Variants in SORL1 observed in about 807,000 individuals in gnomAD.
SORL1 encodes the protein sortilin related receptor 1.
SORL1 carries 127 observed loss-of-function variants against 273.7 expected under a neutral mutation model. That is an observed-to-expected ratio of 0.46 (90% CI 0.40 to 0.54). The LOEUF is 0.54. SORL1 is among the 20% of genes least tolerant of loss of function. The pLI is 0.00. For synonymous variants in SORL1, 1,031 were observed against 1,067.4 expected (o/e 0.97, Z 0.66); for missense variants, 2,494 against 2,846.1 (o/e 0.88, Z 2.81).
chr11:121,531,223 G>C (rs1198580928), intron 11 of SORL1, among the ~76,000 whole-genome samples: 1 of 152,088 alleles, frequency 6.6e-6, no homozygotes, highest in East Asian at 1.9e-4. Context: ...GTGAAACCCT[G>C]TCTGTACTAA....
intron 18 of SORL1, among the ~76,000 whole-genome samples, chr11:121,556,424 T>C (rs1489561662): frequency 6.6e-6 from 1 of 152,116 alleles, no homozygotes; most frequent in Non-Finnish European, 1.5e-5. Flanking sequence ...GGATGATCTT[T>C]TGTCCACCTC....
chr11:121,520,530 T>C, intron 8 of SORL1, 127 bp from the exon 9 acceptor site: 1 of 589,314 alleles, frequency 1.7e-6, no homozygotes, highest in Admixed American at 3.7e-5. Flanking sequence ...GTAATGATAG[T>C]TGCACAACAT....
chr11:121,456,341 G>T (rs1275211822), intron 1 of SORL1, among the ~76,000 whole-genome samples: 1 of 152,202 alleles, frequency 6.6e-6, no homozygotes, highest in Non-Finnish European at 1.5e-5. Flanking sequence ...TGAGGGCATG[G>T]ATCAAGTTCT....
At position 121,596,906 on chromosome 11, in the gene SORL1, A is replaced by G. The variant is rs1335157430; in HGVS notation, c.4519+1134A>G. Among the ~76,000 whole-genome samples the G allele has an allele frequency of 6.6e-6, 1 of 152,026 alleles. No homozygotes were observed. Among genetic ancestry groups the G allele is most frequent in the African/African-American group, 2.4e-5 (1 of 41,358 alleles). On this transcript the variant is annotated intron_variant, in intron 32 of 47. Coordinates refer to ENST00000260197, the MANE Select transcript of SORL1 (RefSeq NM_003105.6). The surrounding 1 kb of genome is among the most constrained non-coding windows in gnomAD (Gnocchi z 4.3). ...CTCACTTGGAATCCTACCAAGTCTT[A>G]CCATTTAGAGATGGAATAGAATCTG... is the stretch of plus-strand genomic sequence containing the variant.
rs757393200 is a variant in SORL1 at position 121,576,861 on chromosome 11, C to T, written c.3461-420C>T. ...CGGTGATCAGCTCATGCAGACCTCT[C>T]GGCACTCCTTTTCTCAAACCACAGG... On this transcript the variant is annotated intron_variant, in intron 24 of 47. Coordinates refer to ENST00000260197, the MANE Select transcript of SORL1 (RefSeq NM_003105.6). 9.1e-6 allele frequency: 14 copies of T among 1,535,454 alleles called. No individual in the cohort carries two copies. The South Asian group carries it at 9.5e-5, about 10-fold the overall frequency.
intron 23 of SORL1, among the ~76,000 whole-genome samples, chr11:121,572,914 A>G (rs141427659): frequency 6.6e-6 from 1 of 152,236 alleles, no homozygotes; most frequent in Admixed American, 6.5e-5. Context: ...AGGATGTCTA[A>G]CGGCAGCATT....
At chr11:121,494,236 A>G (rs954397722) in intron 5 of SORL1, among the ~76,000 whole-genome samples, 8 of 152,214 alleles carry the variant, frequency 5.3e-5, no homozygotes, top group African/African-American at 1.9e-4. Flanking sequence ...GGACTGGTTT[A>G]TCTCATTGAA....
chr11:121,541,720 C>G (rs1018959102), intron 12 of SORL1, among the ~76,000 whole-genome samples: 6 of 152,226 alleles, frequency 3.9e-5, no homozygotes, highest in African/African-American at 1.4e-4. Flanking sequence ...TGAGTGATTT[C>G]TCATGTCAAG....
chr11:121,588,309 A>C (rs1360224529), intron 28 of SORL1, among the ~76,000 whole-genome samples, 158 bp downstream of exon 28: 1 of 152,064 alleles, frequency 6.6e-6, no homozygotes, highest in Non-Finnish European at 1.5e-5. Flanking sequence ...TTTAGCTTAC[A>C]TGTCTAGGTT....
intron 32 of SORL1, among the ~76,000 whole-genome samples, chr11:121,603,206 C>T (rs1328816586): frequency 3.9e-5 from 6 of 152,196 alleles, no homozygotes; most frequent in Non-Finnish European, 7.3e-5. Flanking sequence ...AGGATGTGGA[C>T]GTCTTTGACT....
chr11:121,559,745 G>C, intron 21 of SORL1, 88 bp downstream of exon 21: 1 of 1,218,758 alleles, frequency 8.2e-7, no homozygotes, highest in South Asian at 1.4e-5. Flanking sequence ...AGTAGGAGCT[G>C]GCAGCCTGCA....
chr11:121,471,107 A>G (rs781203895), intron 2 of SORL1, among the ~76,000 whole-genome samples: 6 of 152,144 alleles, frequency 3.9e-5, no homozygotes, highest in Non-Finnish European at 8.8e-5. Flanking sequence ...TTCAAGAAAC[A>G]TTCTCCCATA....
intron 8 of SORL1, among the ~76,000 whole-genome samples, chr11:121,520,192 G>A (rs372972802): frequency 6.6e-6 from 1 of 152,234 alleles, no homozygotes; most frequent in Non-Finnish European, 1.5e-5. Context: ...GAGTCTGGGA[G>A]GTTGAGGCTG....
At position 121,615,037 on chromosome 11, in the gene SORL1, G is replaced by T; in HGVS notation, c.5586G>T (p.Trp1862Cys). The T allele has an allele frequency of 4.4e-6, 7 of 1,602,816 alleles. No individual in the cohort carries two copies. The highest frequency in any genetic ancestry group is 6.0e-6 in the Non-Finnish European group (7 of 1,174,908). ...AINQTAVECT[W>C]TGPRNVVYGI... ...ACCAGACTGCAGTGGAATGTACCTG[G>T]ACCGGCCCCCGGAATGTGGTGAGTC... The change falls in exon 41 of 48, where the codon TGG (tryptophan) becomes TGT (cysteine). Residue 1862 changes from tryptophan (W) to cysteine (C), a missense_variant. By Grantham distance (215) the Trp-to-Cys change is radical (BLOSUM62 -2). Transcript: ENST00000260197.
intron 12 of SORL1, among the ~76,000 whole-genome samples, chr11:121,534,809 C>T (rs1181591123): frequency 6.6e-6 from 1 of 152,238 alleles, no homozygotes; most frequent in Non-Finnish European, 1.5e-5. Flanking sequence ...ATATCTGTTG[C>T]TGGGCTAGGG....
chr11:121,606,027 G>A (rs914319541), intron 35 of SORL1, among the ~76,000 whole-genome samples: 6 of 152,132 alleles, frequency 3.9e-5, no homozygotes, highest in African/African-American at 1.2e-4. Flanking sequence ...GGCTCAGGTG[G>A]TCCTCCCGCC....
intron 14 of SORL1, among the ~76,000 whole-genome samples, chr11:121,549,724 A>AT (rs56099942): frequency 0.26 from 37,773 of 143,900 alleles, 5,240 homozygotes; most frequent in Non-Finnish European, 0.32. Flanking sequence ...TGGCATGATG[A>AT]TTTTTTTTTT....
At chr11:121,490,553 A>G (rs1861537317) in intron 5 of SORL1, among the ~76,000 whole-genome samples, 1 of 152,094 alleles carries the variant, frequency 6.6e-6, no homozygotes, top group Non-Finnish European at 1.5e-5. Context: ...CAGCCTGGCC[A>G]ACATGGTCAA....
intron 23 of SORL1, 112 bp downstream of exon 23, chr11:121,570,382 G>A (rs1862823010): frequency 1.5e-6 from 1 of 663,178 alleles, no homozygotes; most frequent in Admixed American, 2.5e-5. Context: ...GATTGGTGAT[G>A]CCCATCTAAG....
Sources: allele counts gnomAD v4.1 joint callset (sites outside exome capture counted in the v4.1 genomes callset), GRCh38; gene constraint gnomAD v4.1.1; non-coding constraint Gnocchi (gnomAD v3.1); transcripts MANE v1.5; gene names NCBI Gene and HGNC (gene_info 2026-07-23, HGNC 2026-07-21).